Variants in CNOT9 observed in about 807,000 individuals in gnomAD.
CNOT9 encodes the protein CCR4-NOT transcription complex subunit 9.
CNOT9 carries 8 observed loss-of-function variants against 37.4 expected under a neutral mutation model. The observed-to-expected ratio is 0.21, with a 90% CI of 0.13 to 0.39. The LOEUF (loss-of-function observed/expected upper bound fraction) is 0.39. Ranked by LOEUF, CNOT9 falls within the 10% of genes least tolerant of loss-of-function variation. The pLI is 1.00. For missense variants in CNOT9, 154 were observed against 365.3 expected, an observed-to-expected ratio of 0.42 and a Z score of 4.71; for synonymous variants, 120 against 137.6, an observed-to-expected ratio of 0.87 and a Z score of 0.90.
intron 1 of CNOT9, among the ~76,000 whole-genome samples, chr2:218,573,230 A>G (rs1416640653): frequency 2.0e-5 from 3 of 151,956 alleles, no homozygotes; most frequent in African/African-American, 7.3e-5. Flanking sequence ...AGGCAGGACA[A>G]TCGCTTGAAC....
rs1024592763 is a variant in CNOT9, at chr2:218,592,604, T to G, written c.640-12T>G. The G allele has an allele frequency of 1.9e-6, 3 of 1,613,476 alleles. No individual in the cohort carries two copies. In the South Asian group the frequency reaches 3.3e-5, roughly 18 times the overall value. ...TTTTTTCCAACCCCTCCCCTTATTT[T>G]GGGGGAAACAGGGTAAGATGGTCCT... On this transcript the variant is annotated splice_polypyrimidine_tract_variant and intron_variant, in intron 6 of 7. Transcript: ENST00000273064. This position sits in a 1 kb window ranked among gnomAD's most constrained non-coding sequence, Gnocchi z 4.1.
At chr2:218,583,233 GTCTCTCTCTCTCTCTCTCTCTCTCTC>G (rs150987052) in intron 3 of CNOT9, 147 bp downstream of exon 3, 13 of 47,722 alleles carry the variant, frequency 2.7e-4, no homozygotes, top group South Asian at 1.7e-3. Context: ...GTGTGTGTGT[GTCTCTCTCTCTCTCTCTCTCTCTCTC>G]TCTCTCTCTC....
intron 1 of CNOT9, among the ~76,000 whole-genome samples, chr2:218,571,738 A>ATTTTTTTTTT (rs34883423): frequency 1.6e-5 from 2 of 122,822 alleles, no homozygotes; most frequent in African/African-American, 6.3e-5. Flanking sequence ...CGCCTGGCTA[A>ATTTTTTTTTT]TTTTTTTTTT....
Position 218,596,533 on chromosome 2 carries a change from T to G in CNOT9, c.*2257T>G, listed in dbSNP as rs1694929575. 1 of 146,822 alleles carries G rather than the reference T, an allele frequency of 6.8e-6. No individual in the cohort carries two copies. The highest frequency in any genetic ancestry group is 1.5e-5 in the Non-Finnish European group (1 of 68,084). The allele number at this position is 146,822 out of a possible 1,614,324, so 9.1% of individuals were successfully genotyped here. On this transcript the variant is annotated 3_prime_UTR_variant, in exon 8 of 8. Transcript: ENST00000273064. The stretch of plus-strand genomic sequence containing the variant: ...TGCCTGCTTCTCCCCTCTGTCTACC[T>G]ACACAACACACACACACACACACAC...
At chr2:218,581,115 G>A (rs1438899043) in intron 2 of CNOT9, 2 of 396,488 alleles carry the variant, frequency 5.0e-6, no homozygotes, top group African/African-American at 4.3e-5. Context: ...GGACCACAAG[G>A]TACAATATAT....
intron 7 of CNOT9, chr2:218,593,623 CT>C: frequency 1.4e-6 from 2 of 1,426,368 alleles, no homozygotes; most frequent in South Asian, 3.0e-5. Context: ...TTTGTTTTCA[CT>C]GCTCATCTCT....
rs946679831 is a variant in CNOT9 at position 218,568,898 on chromosome 2, G to C, written c.-57G>C. 16 of 1,583,606 alleles carry C rather than the reference G, an allele frequency of 1.0e-5. No homozygotes were observed. Among genetic ancestry groups the C allele is most frequent in the Admixed American group, 3.6e-5 (2 of 55,146 alleles). Reference sequence around the variant, plus strand: ...TGTTTTCCGCTGCAGGGGTGCTGAAGGGGGGACGCGGGTCGGACGCGTCCG... The same window carrying C: ...TGTTTTCCGCTGCAGGGGTGCTGAACGGGGGACGCGGGTCGGACGCGTCCG... On this transcript the variant is annotated 5_prime_UTR_variant, in exon 1 of 8. Transcript: ENST00000273064.
chr2:218,593,733 A>T (rs1670633482), intron 7 of CNOT9: 1 of 1,218,762 alleles, frequency 8.2e-7, no homozygotes, highest in Admixed American at 3.4e-5. Flanking sequence ...CATAAGTTTG[A>T]TGATATCCTT....
intron 2 of CNOT9, chr2:218,581,144 G>T: frequency 5.1e-5 from 14 of 272,306 alleles, no homozygotes; most frequent in East Asian, 2.1e-4. Flanking sequence ...AAAGAAATGG[G>T]TTTTTGGGTT....
chr2:218,571,710 T>A (rs2106076741), intron 1 of CNOT9, among the ~76,000 whole-genome samples: 1 of 151,026 alleles, frequency 6.6e-6, no homozygotes, highest in East Asian at 2.0e-4. Context: ...TAGCTGGGAT[T>A]ACAGGCATTA....
chr2:218,589,592 C>T (rs771419315), intron 5 of CNOT9, among the ~76,000 whole-genome samples: 13 of 152,096 alleles, frequency 8.5e-5, no homozygotes, highest in African/African-American at 9.7e-5. Flanking sequence ...TGCCTTCTGC[C>T]GTAGTACTAG....
chr2:218,583,247 C>A (rs1362220615), intron 3 of CNOT9, among the ~76,000 whole-genome samples, 161 bp downstream of exon 3: 1 of 51,830 alleles, frequency 1.9e-5, no homozygotes, highest in Admixed American at 2.0e-4. Flanking sequence ...CTCTCTCTCT[C>A]TCTCTCTCTC....
Position 218,572,136 on chromosome 2 carries a change from C to T in CNOT9, c.24+3158C>T, listed in dbSNP as rs569941658. Among the ~76,000 whole-genome samples the T allele has an allele frequency of 5.3e-5, 8 of 151,340 alleles. No homozygotes were observed. The East Asian group carries it at 1.2e-3, about 23-fold the overall frequency. The stretch of plus-strand genomic sequence containing the variant: ...AAGAGTTCCAGACCAGCCTGGCCAA[C>T]GTGGTGAAACCTCATCTCTACTAAA... On this transcript the variant is annotated intron_variant, in intron 1 of 7. Coordinates refer to ENST00000273064, the MANE Select transcript of CNOT9 (RefSeq NM_005444.3).
intron 2 of CNOT9, among the ~76,000 whole-genome samples, chr2:218,582,384 A>G (rs1257032017): frequency 6.6e-6 from 1 of 151,874 alleles, no homozygotes; most frequent in Non-Finnish European, 1.5e-5. Context: ...AGATGACTAC[A>G]TTTGCCTCCA....
intron 7 of CNOT9, chr2:218,593,187 T>G (rs567548961): frequency 1.2e-5 from 3 of 240,652 alleles, no homozygotes; most frequent in African/African-American, 6.7e-5. Flanking sequence ...ATATAATGCA[T>G]TTTAGAAATG....
intron 1 of CNOT9, among the ~76,000 whole-genome samples, chr2:218,572,181 C>T (rs1694020829): frequency 6.6e-6 from 1 of 151,666 alleles, no homozygotes; most frequent in Non-Finnish European, 1.5e-5. Flanking sequence ...ATTAGCTGGG[C>T]ATGGTGGCAG....
At chr2:218,578,607 C>T (rs1694253473) in intron 1 of CNOT9, among the ~76,000 whole-genome samples, 2 of 152,146 alleles carry the variant, frequency 1.3e-5, no homozygotes, top group South Asian at 4.1e-4. Flanking sequence ...TGAGTTAATT[C>T]CTCTGAACAT....
chr2:218,575,001 A>G (rs1694118225), intron 1 of CNOT9, among the ~76,000 whole-genome samples: 1 of 152,226 alleles, frequency 6.6e-6, no homozygotes, highest in Non-Finnish European at 1.5e-5. Context: ...ACAACTAAGA[A>G]CTAAATAATT....
chr2:218,592,516 C>G lies in CNOT9; in HGVS notation c.640-100C>G. 6.7e-7 allele frequency: 1 copy of G among 1,497,116 alleles called. No individual in the cohort carries two copies. The highest frequency in any genetic ancestry group is 1.1e-5 in the South Asian group (1 of 88,664). 92.7% of individuals were successfully genotyped at this position (1,497,116 alleles called of 1,614,324 possible). A position where few individuals can be genotyped will look rare whatever the true frequency, so the allele number is the denominator to read the frequency against. On this transcript the variant is annotated intron_variant, in intron 6 of 7. Coordinates refer to ENST00000273064, the MANE Select transcript of CNOT9 (RefSeq NM_005444.3). This position sits in a 1 kb window ranked among gnomAD's most constrained non-coding sequence, Gnocchi z 4.1. ...TGACTAGAACTAACAATTTTGGAAC[C>G]TTTTATGATTCTTGGACTATCTGAT... is the stretch of plus-strand genomic sequence containing the variant.
Sources: allele counts gnomAD v4.1 joint callset (sites outside exome capture counted in the v4.1 genomes callset), GRCh38; gene constraint gnomAD v4.1.1; non-coding constraint Gnocchi (gnomAD v3.1); transcripts MANE v1.5; gene names NCBI Gene and HGNC (gene_info 2026-07-23, HGNC 2026-07-21).